VPS13B: variants seen among roughly 807,000 people sequenced by gnomAD.
VPS13B encodes intermembrane lipid transfer protein VPS13B.
Under a neutral mutation model 426.4 loss-of-function variants are expected in VPS13B, and 285 were observed. The observed-to-expected ratio is 0.67, with a 90% CI of 0.61 to 0.74. The LOEUF (loss-of-function observed/expected upper bound fraction) is 0.74. Ranked by LOEUF, VPS13B falls within the 30% of genes least tolerant of loss-of-function variation. The pLI, the probability that VPS13B is intolerant of heterozygous loss-of-function variation, is 0.00. For synonymous variants in VPS13B, 1,676 were observed against 1,676.4 expected, an observed-to-expected ratio of 1.00 and a Z score of 0.01; for missense variants, 4,537 against 4,782.6, an observed-to-expected ratio of 0.95 and a Z score of 1.51.
At chr8:99,131,007 T>C (rs572556849) in intron 8 of VPS13B, among the ~76,000 whole-genome samples, 54 of 152,366 alleles carry the variant, frequency 3.5e-4, no homozygotes, top group African/African-American at 1.3e-3. Flanking sequence ...TATTGGTTTT[T>C]TTAAAAATGT....
rs1245661519 is a variant in VPS13B at position 99,876,074 on chromosome 8, C to G, written c.*408C>G. ...TGCTCTATGACACTTGCAAAAATCT[C>G]TACTGTAATTAATTTGGGTCTATTA... On this transcript the variant is annotated 3_prime_UTR_variant, in exon 62 of 62. Transcript: ENST00000357162. 1.9e-5 allele frequency: 4 copies of G among 214,656 alleles called. No individual in the cohort carries two copies. Among genetic ancestry groups the G allele is most frequent in the African/African-American group, 1.1e-4 (4 of 36,632 alleles). The allele number at this position is 214,656 out of a possible 1,614,324, so 13.3% of individuals were successfully genotyped here.
chr8:99,335,171 A>T (rs1035951299), intron 19 of VPS13B, among the ~76,000 whole-genome samples: 5 of 151,796 alleles, frequency 3.3e-5, no homozygotes, highest in African/African-American at 9.7e-5. Context: ...TTCTCTGATG[A>T]TAGTTTGTAT....
intron 17 of VPS13B, among the ~76,000 whole-genome samples, chr8:99,236,297 T>G (rs1377622489): frequency 6.6e-6 from 1 of 152,066 alleles, no homozygotes; most frequent in Non-Finnish European, 1.5e-5. Flanking sequence ...CTGCCCGGGC[T>G]GGAGTGCAGT....
At chr8:99,647,134 TA>T (rs1016620161) in intron 34 of VPS13B, among the ~76,000 whole-genome samples, 7 of 151,658 alleles carry the variant, frequency 4.6e-5, no homozygotes, top group African/African-American at 7.3e-5. Context: ...ATTTGATTAT[TA>T]AAAAAAAATC....
intron 35 of VPS13B, among the ~76,000 whole-genome samples, chr8:99,698,689 A>G (rs1377557978): frequency 1.3e-5 from 2 of 152,224 alleles, no homozygotes; most frequent in Non-Finnish European, 2.9e-5. Flanking sequence ...ATGCATGCAT[A>G]TGTAAGACAC....
intron 29 of VPS13B, among the ~76,000 whole-genome samples, chr8:99,517,954 TA>T (rs1179915110): frequency 6.6e-6 from 1 of 152,080 alleles, no homozygotes; most frequent in Admixed American, 6.6e-5. Flanking sequence ...TATATTTTGA[TA>T]AGTTGAATAC....
At chr8:99,638,797 T>G (rs1829175060) in intron 33 of VPS13B, among the ~76,000 whole-genome samples, 1 of 152,212 alleles carries the variant, frequency 6.6e-6, no homozygotes, top group South Asian at 2.1e-4. Flanking sequence ...TTGAGAATTC[T>G]CCATTTACAT....
intron 39 of VPS13B, among the ~76,000 whole-genome samples, chr8:99,763,748 T>A (rs369376566): frequency 6.6e-6 from 1 of 152,112 alleles, no homozygotes; most frequent in Non-Finnish European, 1.5e-5. Context: ...AATTATGTCA[T>A]GGAAAGCAAG....
chr8:99,646,537 AT>A (rs1829583943), intron 34 of VPS13B, among the ~76,000 whole-genome samples: 1 of 152,094 alleles, frequency 6.6e-6, no homozygotes, highest in South Asian at 2.1e-4. Context: ...ACACAAAATA[AT>A]TTATTCTTTT....
At chr8:99,823,154 T>C (rs895538733) in intron 50 of VPS13B, among the ~76,000 whole-genome samples, 3 of 152,184 alleles carry the variant, frequency 2.0e-5, no homozygotes, top group Non-Finnish European at 4.4e-5. Flanking sequence ...CCAGACTGCA[T>C]GGGTTCCAAC....
At chr8:99,810,983 C>T (rs930279153) in intron 44 of VPS13B, among the ~76,000 whole-genome samples, 1 of 152,178 alleles carries the variant, frequency 6.6e-6, no homozygotes, top group Admixed American at 6.5e-5. Context: ...CACTAACTCC[C>T]ATCTGCCCTC....
At chr8:99,144,384 CG>C (rs1029046849) in intron 13 of VPS13B, among the ~76,000 whole-genome samples, 8 of 149,958 alleles carry the variant, frequency 5.3e-5, no homozygotes, top group African/African-American at 2.0e-4. Context: ...CTGTGGTCTC[CG>C]GGCTGAGCAG....
At position 99,853,499 on chromosome 8, in the gene VPS13B, C is replaced by G. The variant is rs755978152; in HGVS notation, c.10110C>G (p.Ser3370Arg). ...VTFKMFITQL[S>R]LAVFDDLTHH... is the part of the protein sequence containing the mutation. The stretch of plus-strand genomic sequence containing the variant: ...TTAAAATGTTCATCACTCAGTTAAG[C>G]CTGGCAGTGTTTGATGACCTCACCC... Residue 3370 changes from serine to arginine, a missense_variant, in exon 56 of 62, where the codon AGC (serine) becomes AGG (arginine). By Grantham distance (110) the Ser-to-Arg change is moderately radical. Transcript: ENST00000357162. 1 of 1,614,160 alleles carries G rather than the reference C, an allele frequency of 6.2e-7. No homozygotes were observed. The highest frequency in any genetic ancestry group is 1.1e-5 in the South Asian group (1 of 91,074).
chr8:99,055,960 C>T (rs72668500), intron 3 of VPS13B, among the ~76,000 whole-genome samples: 123 of 145,114 alleles, frequency 8.5e-4, no homozygotes, highest in Non-Finnish European at 1.2e-3. Flanking sequence ...AGGCTGATCT[C>T]GAACTTCTGG....
chr8:99,259,044 T>A (rs1458878122), intron 17 of VPS13B, among the ~76,000 whole-genome samples: 1 of 152,122 alleles, frequency 6.6e-6, no homozygotes, highest in Non-Finnish European at 1.5e-5. Flanking sequence ...TGACATTTAT[T>A]GAGCATTTAC....
chr8:99,238,044 G>A (rs1469578461), intron 17 of VPS13B, among the ~76,000 whole-genome samples: 1 of 151,998 alleles, frequency 6.6e-6, no homozygotes, highest in Non-Finnish European at 1.5e-5. Flanking sequence ...AGGTTTGTGG[G>A]TCGTGCTTTT....
intron 19 of VPS13B, among the ~76,000 whole-genome samples, chr8:99,343,452 C>G: frequency 6.6e-6 from 1 of 152,074 alleles, no homozygotes; most frequent in East Asian, 1.9e-4. Flanking sequence ...ATATATTACC[C>G]CTTATCAGAT....
chr8:99,707,351 G>A (rs993232735), intron 36 of VPS13B, among the ~76,000 whole-genome samples: 3 of 152,028 alleles, frequency 2.0e-5, no homozygotes, highest in South Asian at 2.1e-4. Flanking sequence ...CAGAATACCC[G>A]ACACATTGCT....
chr8:99,367,673 T>C (rs1249463619), intron 19 of VPS13B, among the ~76,000 whole-genome samples: 5 of 152,208 alleles, frequency 3.3e-5, no homozygotes, highest in African/African-American at 1.2e-4. Flanking sequence ...TGTAGATAGA[T>C]GTGCTTTACT....
Sources: gnomAD v4.1 joint callset for allele counts (sites outside exome capture counted in the v4.1 genomes callset) on GRCh38, gnomAD v4.1.1 for gene constraint, MANE v1.5 for transcripts, NCBI Gene and HGNC (gene_info 2026-07-23, HGNC 2026-07-21) for gene names.